NRG4: variants seen among roughly 807,000 people sequenced by gnomAD.
The protein encoded by NRG4 is neuregulin 4.
A neutral mutation model predicts 15.0 loss-of-function variants in NRG4; 10 were observed. That is an observed-to-expected ratio of 0.67 (90% CI 0.41 to 1.13). The LOEUF is 1.13. Ranked by LOEUF, NRG4 falls within the 50% of genes most tolerant of loss-of-function variation. The pLI is 0.00. For synonymous variants in NRG4, 41 were observed against 50.1 expected, an observed-to-expected ratio of 0.82 and a Z score of 0.77; for missense variants, 139 against 140.2, an observed-to-expected ratio of 0.99 and a Z score of 0.04.
intron 3 of NRG4, among the ~76,000 whole-genome samples, chr15:75,973,444 T>C (rs759151751): frequency 1.7e-4 from 26 of 152,158 alleles, no homozygotes; most frequent in Non-Finnish European, 2.2e-4. Flanking sequence ...TGTCTTGTGC[T>C]GGTTTTCAAA....
chr15:75,949,890 C>G (rs2031774374), intron 5 of NRG4, among the ~76,000 whole-genome samples: 2 of 152,214 alleles, frequency 1.3e-5, no homozygotes, highest in African/African-American at 4.8e-5. Flanking sequence ...TGTGGTCTAT[C>G]TGGATGCCCA....
chr15:76,018,308 C>T (rs993600688), intron 5 of NRG4, among the ~76,000 whole-genome samples: 60 of 152,112 alleles, frequency 3.9e-4, no homozygotes, highest in Admixed American at 3.8e-3. Flanking sequence ...TTATTACCCA[C>T]CTTCTGAAGC....
At chr15:75,994,517 T>G (rs1482363397) in intron 3 of NRG4, among the ~76,000 whole-genome samples, 6 of 152,256 alleles carry the variant, frequency 3.9e-5, no homozygotes, top group Admixed American at 2.0e-4. Flanking sequence ...CTGCTTTTAG[T>G]CATTCTCCAG....
chr15:76,008,875 T>C (rs1275005315), intron 3 of NRG4, among the ~76,000 whole-genome samples: 1 of 152,150 alleles, frequency 6.6e-6, no homozygotes, highest in Non-Finnish European at 1.5e-5. Flanking sequence ...CCTAGCTGTT[T>C]TGCCAGTAAT....
intron 5 of NRG4, among the ~76,000 whole-genome samples, chr15:76,029,690 C>G (rs2035419583): frequency 6.6e-6 from 1 of 152,082 alleles, no homozygotes; most frequent in Non-Finnish European, 1.5e-5. Context: ...ACTACAAAAA[C>G]ATAAAATACC....
At position 76,028,768 on chromosome 15, in the gene NRG4, C is replaced by A. The variant is rs897204709; in HGVS notation, c.-57+7176G>T. 2.6e-5 allele frequency among the ~76,000 whole-genome samples: 4 copies of A among 151,874 alleles called. No homozygotes were observed. In the South Asian group the frequency reaches 8.3e-4, roughly 32 times the overall value. On this transcript the variant is annotated intron_variant, in intron 5 of 8. Coordinates refer to the NRG4 transcript ENST00000563910. ...TACACACATTAGCCAGGCACGATGG[C>A]CTGCACCTGTAATCCCAGCTACTTG...
chr15:76,018,908 T>C (rs2035067278), intron 5 of NRG4, among the ~76,000 whole-genome samples: 1 of 152,144 alleles, frequency 6.6e-6, no homozygotes, highest in Non-Finnish European at 1.5e-5. Context: ...GATGTTTAAG[T>C]GTGCCGAAGC....
chr15:75,961,690 CAA>C (rs1011364061), intron 4 of NRG4, 136 bp downstream of exon 4: 98 of 611,048 alleles, frequency 1.6e-4, no homozygotes, highest in African/African-American at 1.5e-3. Flanking sequence ...AAATTAGTAA[CAA>C]AAACTGTATT....
At chr15:76,017,549 C>A (rs1242737051) in intron 5 of NRG4, among the ~76,000 whole-genome samples, 3 of 152,092 alleles carry the variant, frequency 2.0e-5, no homozygotes, top group Non-Finnish European at 4.4e-5. Flanking sequence ...AATCTCTCAG[C>A]ATTTGCTTGT....
intron 5 of NRG4, among the ~76,000 whole-genome samples, chr15:76,022,409 T>C (rs969914708): frequency 3.0e-5 from 4 of 134,182 alleles, no homozygotes; most frequent in Admixed American, 8.7e-5. Context: ...CAGACACATA[T>C]GTATGTCAAT....
rs531352137 is a variant in NRG4 at position 76,017,518 on chromosome 15, A to C, written c.-56-6232T>G. On this transcript the variant is annotated intron_variant, in intron 5 of 8. Coordinates refer to the NRG4 transcript ENST00000563910. The stretch of plus-strand genomic sequence containing the variant: ...AGTGCTTCCTTCAGGGGCTCTTGTA[A>C]AGCAGGCCTGGTGGTGACAAAATCT... Among the ~76,000 whole-genome samples, 3 of 152,072 alleles carry C rather than the reference A, an allele frequency of 2.0e-5. No individual in the cohort carries two copies. In the South Asian group the frequency reaches 6.2e-4, roughly 32 times the overall value.
At chr15:76,016,586 C>T (rs368652068), upstream of NRG4, among the ~76,000 whole-genome samples, 6 of 152,244 alleles carry the variant, frequency 3.9e-5, no homozygotes, top group African/African-American at 1.4e-4. Context: ...GCCTTAATTT[C>T]GTTATTTACC....
intron 4 of NRG4, among the ~76,000 whole-genome samples, chr15:76,038,421 C>T (rs1018474396): frequency 6.6e-6 from 1 of 152,196 alleles, no homozygotes; most frequent in Admixed American, 6.5e-5. Context: ...GCATTCACCA[C>T]AAGCTAACTG....
At chr15:76,059,338 T>C (rs1477273501) in intron 1 of NRG4, among the ~76,000 whole-genome samples, 2 of 152,166 alleles carry the variant, frequency 1.3e-5, no homozygotes, top group Admixed American at 6.5e-5. Flanking sequence ...AGAGGTGTTT[T>C]CCCCTCGGTG....
chr15:75,941,957 A>AC lies in NRG4; in HGVS notation c.*1680_*1681insG, dbSNP rs2031022228. 2.3e-5 allele frequency: 3 copies of AC among 129,284 alleles called. No individual in the cohort carries two copies. The highest frequency in any genetic ancestry group is 2.2e-4 in the East Asian group (1 of 4,600). 8.0% of individuals were successfully genotyped at this position (129,284 alleles called of 1,614,324 possible). On this transcript the variant is annotated 3_prime_UTR_variant, in exon 6 of 6. Coordinates refer to ENST00000394907, the MANE Select transcript of NRG4 (RefSeq NM_138573.4). The stretch of plus-strand genomic sequence containing the variant: ...TAAACCACCAAAAAAAAAAAAAAAA[A>AC]AAAATATGGCCTAGCTTTTTTTTTT...
At chr15:76,018,016 G>C (rs376072909) in intron 5 of NRG4, among the ~76,000 whole-genome samples, 1 of 151,876 alleles carries the variant, frequency 6.6e-6, no homozygotes, top group Non-Finnish European at 1.5e-5. Flanking sequence ...TTGGAGGCTC[G>C]TTTGTTTCTT....
intron 5 of NRG4, among the ~76,000 whole-genome samples, chr15:76,021,816 A>G (rs2035162768): frequency 6.6e-6 from 1 of 152,228 alleles, no homozygotes; most frequent in South Asian, 2.1e-4. Flanking sequence ...GAAAACCTAT[A>G]GATTTTCAAG....
intron 4 of NRG4, among the ~76,000 whole-genome samples, chr15:76,038,674 C>T (rs1415157505): frequency 6.6e-6 from 1 of 152,236 alleles, no homozygotes; most frequent in Non-Finnish European, 1.5e-5. Flanking sequence ...TGCCCAGGGC[C>T]TGCAGGAACT....
chr15:75,959,798 A>G (rs1424075282), intron 4 of NRG4, among the ~76,000 whole-genome samples: 3 of 152,154 alleles, frequency 2.0e-5, no homozygotes, highest in Non-Finnish European at 2.9e-5. Context: ...CTTATAATTG[A>G]GGAGGACCAT....
Sources: allele counts gnomAD v4.1 joint callset (sites outside exome capture counted in the v4.1 genomes callset), GRCh38; gene constraint gnomAD v4.1.1; transcripts MANE v1.5; gene names NCBI Gene and HGNC (gene_info 2026-07-23, HGNC 2026-07-21).